ADGRB3: variants seen among roughly 807,000 people sequenced by gnomAD.
ADGRB3 encodes brain-specific angiogenesis inhibitor 3.
In ADGRB3, 37 loss-of-function variants were observed where a neutral mutation model predicts 193.4. That is an observed-to-expected ratio of 0.19 (90% confidence interval 0.15 to 0.25). ADGRB3 has a LOEUF of 0.25. Ranked by LOEUF, ADGRB3 falls within the 10% of genes least tolerant of loss-of-function variation. The pLI is 1.00. For missense variants in ADGRB3, 1,637 were observed against 1,852.9 expected (o/e 0.88, Z 2.14); for synonymous variants, 690 against 644.2 (o/e 1.07, Z -1.08).
intron 3 of ADGRB3, among the ~76,000 whole-genome samples, chr6:68,920,511 T>TA (rs1767008953): frequency 1.9e-4 from 5 of 26,336 alleles, no homozygotes; most frequent in Non-Finnish European, 2.3e-4. Flanking sequence ...AGACTCTGTA[T>TA]CAAAAAAAAA....
At chr6:69,070,429 A>G (rs546471805) in intron 16 of ADGRB3, among the ~76,000 whole-genome samples, 1 of 152,306 alleles carries the variant, frequency 6.6e-6, no homozygotes, top group South Asian at 2.1e-4. Flanking sequence ...CAGGGTAATG[A>G]ACAAATCCAT....
intron 3 of ADGRB3, among the ~76,000 whole-genome samples, chr6:68,890,800 G>A (rs1214099482): frequency 6.6e-6 from 1 of 152,184 alleles, no homozygotes; most frequent in Non-Finnish European, 1.5e-5. Context: ...CATAGAACAT[G>A]TAGCATCATA....
chr6:69,043,246 AAG>A (rs1771123023), intron 13 of ADGRB3, among the ~76,000 whole-genome samples: 1 of 129,660 alleles, frequency 7.7e-6, no homozygotes, highest in South Asian at 2.5e-4. Flanking sequence ...AGAAAGAAAG[AAG>A]AAAGAGAGAA....
rs147079193 is a variant in ADGRB3, at chr6:68,945,197, G to A, written c.1195+1203G>A. On this transcript the variant is annotated intron_variant, in intron 6 of 31. Coordinates refer to ENST00000370598, the MANE Select transcript of ADGRB3 (RefSeq NM_001704.3). ...GGACTACTAGGTTCCTGTACTTAAT[G>A]ACTAGAATTAAAGATGAAGGCAAAT... Among the ~76,000 whole-genome samples the A allele has an allele frequency of 1.1e-4, 16 of 152,124 alleles. No homozygotes were observed. In the East Asian group the frequency reaches 3.1e-3, roughly 29 times the overall value.
At chr6:69,306,579 G>C (rs954156318) in intron 20 of ADGRB3, among the ~76,000 whole-genome samples, 2 of 151,504 alleles carry the variant, frequency 1.3e-5, no homozygotes, top group East Asian at 3.9e-4. Flanking sequence ...TACAAAGATA[G>C]AAAGTGCACA....
intron 17 of ADGRB3, among the ~76,000 whole-genome samples, chr6:69,155,601 G>A (rs940693108): frequency 6.6e-6 from 1 of 152,076 alleles, no homozygotes; most frequent in Non-Finnish European, 1.5e-5. Flanking sequence ...CATAGAATAG[G>A]GAATTAAGAG....
chr6:68,939,810 C>A (rs1767587056), intron 5 of ADGRB3, among the ~76,000 whole-genome samples: 2 of 151,958 alleles, frequency 1.3e-5, no homozygotes, highest in South Asian at 4.2e-4. Context: ...TAATAAATTC[C>A]TAAGAATAAA....
At chr6:69,059,800 T>C (rs2150306548) in intron 15 of ADGRB3, among the ~76,000 whole-genome samples, 1 of 152,290 alleles carries the variant, frequency 6.6e-6, no homozygotes, top group Non-Finnish European at 1.5e-5. Flanking sequence ...TTATTTATTT[T>C]CCTTTATTAG....
At chr6:68,755,489 A>C (rs148962859) in intron 3 of ADGRB3, among the ~76,000 whole-genome samples, 1 of 152,104 alleles carries the variant, frequency 6.6e-6, no homozygotes, top group Non-Finnish European at 1.5e-5. Flanking sequence ...GTTCTTCTGG[A>C]TTTGTCTTGG....
chr6:68,731,470 A>C (rs1765774277), intron 3 of ADGRB3, among the ~76,000 whole-genome samples: 1 of 151,690 alleles, frequency 6.6e-6, no homozygotes, highest in Non-Finnish European at 1.5e-5. Context: ...ATATAATTTT[A>C]GAATATGATC....
At chr6:68,661,538 CATATATATATATAT>C (rs66836065) in intron 3 of ADGRB3, among the ~76,000 whole-genome samples, 2,967 of 91,800 alleles carry the variant, frequency 0.032, 251 homozygotes, top group African/African-American at 0.096. Flanking sequence ...TATGTGTATA[CATATATATATATAT>C]ATATATATAT....
intron 17 of ADGRB3, among the ~76,000 whole-genome samples, chr6:69,103,004 C>T (rs369512032): frequency 6.6e-6 from 1 of 151,960 alleles, no homozygotes; most frequent in Admixed American, 6.6e-5. Context: ...TTGTATATTC[C>T]TTCTCATGAC....
intron 17 of ADGRB3, 65 bp from the exon 18 acceptor site, chr6:69,233,225 T>C (rs1446180923): frequency 6.3e-7 from 1 of 1,580,888 alleles, no homozygotes; most frequent in African/African-American, 1.4e-5. Context: ...TGCATTTTCT[T>C]CTTTACGGAT....
chr6:68,700,524 AAT>A (rs1765225664), intron 3 of ADGRB3, among the ~76,000 whole-genome samples: 1 of 152,134 alleles, frequency 6.6e-6, no homozygotes, highest in Admixed American at 6.6e-5. Context: ...AACAATACCA[AAT>A]ATAGTCAGTG....
chr6:68,823,330 G>A (rs1376687055), intron 3 of ADGRB3, among the ~76,000 whole-genome samples: 3 of 151,834 alleles, frequency 2.0e-5, no homozygotes, highest in African/African-American at 7.2e-5. Context: ...TTAAAAAAAT[G>A]TAAAAATGTT....
At chr6:69,007,693 T>TCTCACACACA (rs1232770873) in intron 11 of ADGRB3, among the ~76,000 whole-genome samples, 3 of 90,080 alleles carry the variant, frequency 3.3e-5, no homozygotes, top group African/African-American at 1.2e-4. Flanking sequence ...TCTCTCTCTC[T>TCTCACACACA]CACACACACA....
intron 3 of ADGRB3, among the ~76,000 whole-genome samples, chr6:68,771,042 T>C (rs1766607271): frequency 6.6e-6 from 1 of 152,148 alleles, no homozygotes; most frequent in African/African-American, 2.4e-5. Context: ...AATTTCTTTC[T>C]CTTAGTTCAT....
chr6:69,078,302 A>C (rs905272560), intron 17 of ADGRB3, among the ~76,000 whole-genome samples: 1 of 151,972 alleles, frequency 6.6e-6, no homozygotes, highest in African/African-American at 2.4e-5. Context: ...CAGAACTGTT[A>C]ATGTAAAGAG....
chr6:69,114,164 C>T (rs538663975), intron 17 of ADGRB3, among the ~76,000 whole-genome samples: 1 of 152,288 alleles, frequency 6.6e-6, no homozygotes, highest in Non-Finnish European at 1.5e-5. Context: ...CACATTTAAG[C>T]CTTTCAACTT....
Sources: allele counts gnomAD v4.1 joint callset (sites outside exome capture counted in the v4.1 genomes callset), GRCh38; gene constraint gnomAD v4.1.1; transcripts MANE v1.5; gene names NCBI Gene and HGNC (gene_info 2026-07-23, HGNC 2026-07-21).